KCNK13: variants seen among roughly 807,000 people sequenced by gnomAD.
KCNK13 encodes the protein potassium channel subfamily K member 13.
A neutral mutation model predicts 23.4 loss-of-function variants in KCNK13; 12 were observed. The observed-to-expected ratio is 0.51, with a 90% CI of 0.33 to 0.83. The LOEUF (loss-of-function observed/expected upper bound fraction) is 0.83. KCNK13 is among the 40% of genes least tolerant of loss of function. The pLI, the probability that KCNK13 is intolerant of heterozygous loss-of-function variation, is 0.02. For synonymous variants in KCNK13, 231 were observed against 229.5 expected, an observed-to-expected ratio of 1.01 and a Z score of -0.06; for missense variants, 463 against 556.3, an observed-to-expected ratio of 0.83 and a Z score of 1.69.
At chr14:90,067,749 A>G (rs564283819) in intron 1 of KCNK13, among the ~76,000 whole-genome samples, 75 of 152,310 alleles carry the variant, frequency 4.9e-4, no homozygotes, top group African/African-American at 1.7e-3. Context: ...GTAGAATGAC[A>G]GTATGTCTTG....
At chr14:90,107,658 G>A in intron 1 of KCNK13, 1 of 675,084 alleles carries the variant, frequency 1.5e-6, no homozygotes, top group Non-Finnish European at 2.8e-6. Context: ...TTCCCAGGGG[G>A]ACCGCAGCCT....
intron 1 of KCNK13, among the ~76,000 whole-genome samples, chr14:90,163,675 C>T (rs560239595): frequency 2.7e-5 from 4 of 150,440 alleles, no homozygotes; most frequent in East Asian, 1.9e-4. Flanking sequence ...TCTAACTTCA[C>T]GTTTCTTATT....
At chr14:90,162,867 A>C (rs1022301552) in intron 1 of KCNK13, among the ~76,000 whole-genome samples, 1 of 152,240 alleles carries the variant, frequency 6.6e-6, no homozygotes, top group Non-Finnish European at 1.5e-5. Flanking sequence ...TTTGCAACAT[A>C]TATAGAAGAC....
At chr14:90,088,334 G>A (rs72629397) in intron 1 of KCNK13, among the ~76,000 whole-genome samples, 20,213 of 150,708 alleles carry the variant, frequency 0.13, 1,633 homozygotes, top group South Asian at 0.26. Context: ...AGCTTAAAAA[G>A]AAAGAAAGAA....
chr14:90,090,022 G>A (rs1047812681), intron 1 of KCNK13, among the ~76,000 whole-genome samples: 12 of 152,230 alleles, frequency 7.9e-5, no homozygotes, highest in African/African-American at 2.9e-4. Flanking sequence ...GGGCAGTGTG[G>A]AAGTGTGGGG....
At chr14:90,163,676 G>A (rs1165829058) in intron 1 of KCNK13, among the ~76,000 whole-genome samples, 2 of 149,696 alleles carry the variant, frequency 1.3e-5, no homozygotes, top group African/African-American at 5.1e-5. Flanking sequence ...CTAACTTCAC[G>A]TTTCTTATTT....
At chr14:90,170,481 T>G (rs1257138136) in intron 1 of KCNK13, among the ~76,000 whole-genome samples, 1 of 152,220 alleles carries the variant, frequency 6.6e-6, no homozygotes, top group Non-Finnish European at 1.5e-5. Flanking sequence ...CCCGACGTGC[T>G]GGGATTACAG....
chr14:90,083,071 G>A (rs1889232372), intron 1 of KCNK13, among the ~76,000 whole-genome samples: 1 of 152,178 alleles, frequency 6.6e-6, no homozygotes, highest in Non-Finnish European at 1.5e-5. Context: ...TTAAAAGAAA[G>A]ATCTGTTCAG....
intron 1 of KCNK13, among the ~76,000 whole-genome samples, chr14:90,111,735 A>AG (rs1889617356): frequency 6.6e-6 from 1 of 152,242 alleles, no homozygotes; most frequent in South Asian, 2.1e-4. Flanking sequence ...ACAACAATAA[A>AG]GCCACTTTCC....
chr14:90,088,792 A>T (rs1475109994), intron 1 of KCNK13, among the ~76,000 whole-genome samples: 1 of 152,124 alleles, frequency 6.6e-6, no homozygotes, highest in Non-Finnish European at 1.5e-5. Flanking sequence ...ATGGGAGGTT[A>T]TTGAATTATG....
intron 1 of KCNK13, among the ~76,000 whole-genome samples, chr14:90,081,919 A>G (rs1429491865): frequency 6.6e-6 from 1 of 152,096 alleles, no homozygotes; most frequent in Non-Finnish European, 1.5e-5. Context: ...GATTGTTATA[A>G]AGGGAGGTTG....
intron 1 of KCNK13, among the ~76,000 whole-genome samples, chr14:90,079,610 G>A (rs1344811321): frequency 6.6e-6 from 1 of 152,162 alleles, no homozygotes; most frequent in African/African-American, 2.4e-5. Context: ...AGAGGAATCT[G>A]GATGGGGCAC....
intron 1 of KCNK13, among the ~76,000 whole-genome samples, chr14:90,144,830 T>C (rs1375569049): frequency 6.6e-6 from 1 of 152,122 alleles, no homozygotes; most frequent in East Asian, 1.9e-4. Context: ...TCCAGCAGAA[T>C]GTCGAATAGA....
chr14:90,086,583 T>C (rs919827743), intron 1 of KCNK13, among the ~76,000 whole-genome samples: 1 of 152,190 alleles, frequency 6.6e-6, no homozygotes, highest in African/African-American at 2.4e-5. Flanking sequence ...GATGAATATA[T>C]TTTGCAGGCT....
At chr14:90,131,705 AT>A (rs1435932848) in intron 1 of KCNK13, among the ~76,000 whole-genome samples, 1 of 152,240 alleles carries the variant, frequency 6.6e-6, no homozygotes, top group Non-Finnish European at 1.5e-5. Context: ...TGTTTTGTAG[AT>A]TTTGTAGAGG....
chr14:90,136,227 C>A (rs973506366), intron 1 of KCNK13, among the ~76,000 whole-genome samples: 3 of 152,128 alleles, frequency 2.0e-5, no homozygotes, highest in Non-Finnish European at 4.4e-5. Flanking sequence ...CCTGCTGTTT[C>A]TGCATTTCCT....
chr14:90,115,743 A>T (rs554207795), intron 1 of KCNK13, among the ~76,000 whole-genome samples: 3 of 152,236 alleles, frequency 2.0e-5, no homozygotes, highest in African/African-American at 7.2e-5. Context: ...GTTGTGGGCC[A>T]TGGTTTGTCC....
At chr14:90,077,283 CTA>C (rs1378929925) in intron 1 of KCNK13, among the ~76,000 whole-genome samples, 4 of 151,844 alleles carry the variant, frequency 2.6e-5, no homozygotes, top group Admixed American at 2.0e-4. Context: ...CCACGCCGGG[CTA>C]ATTTTTTGTA....
chr14:90,154,744 T>C (rs1890175307), intron 1 of KCNK13, among the ~76,000 whole-genome samples: 1 of 152,256 alleles, frequency 6.6e-6, no homozygotes, highest in South Asian at 2.1e-4. Context: ...ACTTATTCTC[T>C]AGATAATTTC....
Sources: gnomAD v4.1 joint callset for allele counts (sites outside exome capture counted in the v4.1 genomes callset) on GRCh38, gnomAD v4.1.1 for gene constraint, MANE v1.5 for transcripts, NCBI Gene and HGNC (gene_info 2026-07-23, HGNC 2026-07-21) for gene names.